The following ZNF880 variants were observed in gnomAD, a reference collection of about 807,000 sequenced individuals.
The protein encoded by ZNF880 is zinc finger protein 880.
ZNF880 carries 12 observed loss-of-function variants against 11.8 expected under a neutral mutation model. That is an observed-to-expected ratio of 1.02 (90% confidence interval 0.65 to 1.65). ZNF880 has a LOEUF of 1.65. Among genes scored for constraint, ZNF880 ranks in the 40% most tolerant of loss-of-function variants. The pLI is 0.00. For synonymous variants in ZNF880, 210 were observed against 232.4 expected (o/e 0.90, Z 0.88); for missense variants, 601 against 673.9 (o/e 0.89, Z 1.20).
chr19:52,371,938 C>T (rs1986385142), intron 1 of ZNF880, among the ~76,000 whole-genome samples: 1 of 151,958 alleles, frequency 6.6e-6, no homozygotes, highest in African/African-American at 2.4e-5. Context: ...GCCTGTAATC[C>T]CAGCACTTTG....
At chr19:52,380,873 C>T (rs1490961379) in intron 3 of ZNF880, among the ~76,000 whole-genome samples, 1 of 151,694 alleles carries the variant, frequency 6.6e-6, no homozygotes, top group Non-Finnish European at 1.5e-5. Context: ...GAGACAGGGT[C>T]TTGCTGTGTT....
chr19:52,374,179 G>T, intron 2 of ZNF880, 120 bp from the exon 3 acceptor site: 1 of 814,058 alleles, frequency 1.2e-6, no homozygotes, highest in Non-Finnish European at 1.9e-6. Context: ...TGAGTATCTG[G>T]GACTACAGGC....
At chr19:52,393,414 T>TC in the ZNF880 span, among the ~76,000 whole-genome samples, 1 of 151,706 alleles carries the variant, frequency 6.6e-6, no homozygotes, top group African/African-American at 2.4e-5. Context: ...TTTCTTTCTT[T>TC]TTTTTTTTTC....
downstream of ZNF880, chr19:52,390,436 TC>T: frequency 3.3e-6 from 1 of 300,698 alleles, no homozygotes; most frequent in Non-Finnish European, 6.9e-6. Context: ...GCCCTTCTGC[TC>T]CCCAGGCCTC....
chr19:52,392,327 G>A, the ZNF880 span, among the ~76,000 whole-genome samples: 4 of 151,616 alleles, frequency 2.6e-5, no homozygotes, highest in Non-Finnish European at 5.9e-5. Context: ...CTTTGACGGA[G>A]CCTCGCTCTG....
intron 3 of ZNF880, among the ~76,000 whole-genome samples, chr19:52,382,739 A>G (rs981786385): frequency 2.6e-5 from 4 of 152,118 alleles, no homozygotes; most frequent in Non-Finnish European, 4.4e-5. Flanking sequence ...TAATTTCTGT[A>G]TAGTATGTCT....
intron 3 of ZNF880, among the ~76,000 whole-genome samples, chr19:52,377,533 C>A (rs1986590608): frequency 6.6e-6 from 1 of 152,166 alleles, no homozygotes; most frequent in Admixed American, 6.5e-5. Flanking sequence ...AAACACGTCC[C>A]CTACCTCAGC....
At chr19:52,395,222 A>C in the ZNF880 span, among the ~76,000 whole-genome samples, 3 of 151,964 alleles carry the variant, frequency 2.0e-5, no homozygotes. Flanking sequence ...TGTCACTTTT[A>C]TTTCTTTTTC....
intron 3 of ZNF880, 185 bp downstream of exon 3, chr19:52,374,612 C>T (rs1413939316): frequency 7.7e-6 from 6 of 783,128 alleles, no homozygotes; most frequent in Middle Eastern, 2.3e-4. Flanking sequence ...GGTGGGATTA[C>T]AAGCATGAGC....
chr19:52,380,342 A>T (rs936817800), intron 3 of ZNF880, among the ~76,000 whole-genome samples: 1 of 151,380 alleles, frequency 6.6e-6, no homozygotes, highest in African/African-American at 2.4e-5. Context: ...TGGATGTGAG[A>T]TGATAGCTCA....
At chr19:52,375,765 G>T (rs1300090626) in intron 3 of ZNF880, among the ~76,000 whole-genome samples, 1 of 151,732 alleles carries the variant, frequency 6.6e-6, no homozygotes, top group Non-Finnish European at 1.5e-5. Context: ...CTCAGGCTTT[G>T]GGCTCATATG....
At position 52,374,596 on chromosome 19, in the gene ZNF880, G is replaced by A. The variant is rs370765769; in HGVS notation, c.268+169G>A. 17 of 862,930 alleles carry A rather than the reference G, an allele frequency of 2.0e-5. No homozygotes were observed. The East Asian group carries it at 2.9e-4, about 15-fold the overall frequency. The allele number at this position is 862,930 out of a possible 1,614,324, so 53.5% of individuals were successfully genotyped here. On this transcript the variant is annotated intron_variant, in intron 3 of 3. Transcript: ENST00000422689. The stretch of plus-strand genomic sequence containing the variant: ...AAGTGATCCTCCTTCCTCTGCTTCC[G>A]AAAGTGGTGGGATTACAAGCATGAG...
intron 2 of ZNF880, 119 bp downstream of exon 2, chr19:52,373,356 G>A (rs1986449699): frequency 9.4e-7 from 1 of 1,059,956 alleles, no homozygotes; most frequent in Non-Finnish European, 1.3e-6. Flanking sequence ...AAACCCTGTT[G>A]ACTCAGAAAT....
rs1276525884 is a variant in ZNF880, at chr19:52,384,040, A to C, written c.460A>C (p.Lys154Gln). 6.4e-7 allele frequency: 1 copy of C among 1,558,566 alleles called. No homozygotes were observed. The highest frequency in any genetic ancestry group is 8.7e-7 in the Non-Finnish European group (1 of 1,150,890). ...SPLQKIYSSV[K>Q]SHILNKYRND... ...ACTTCAAAAAATTTATTCTAGTGTC[A>C]AATCCCACATTTTAAATAAATACAG... Residue 154 changes from lysine to glutamine, a missense_variant, in exon 4 of 4, where the codon AAA becomes CAA. Lys to Gln is a moderately conservative substitution (Grantham distance 53, BLOSUM62 1). Transcript: ENST00000422689.
downstream of ZNF880, chr19:52,389,805 C>A (rs984122691): frequency 6.6e-6 from 1 of 152,312 alleles, no homozygotes; most frequent in African/African-American, 2.4e-5. Context: ...CACCTCTGCT[C>A]CAGTTCCAAT....
At chr19:52,386,016 A>G (rs554402224), downstream of ZNF880, among the ~76,000 whole-genome samples, 30 of 142,398 alleles carry the variant, frequency 2.1e-4, 3 homozygotes, top group South Asian at 3.7e-3. Flanking sequence ...TCTACTAAAA[A>G]TACAAAAAAT....
chr19:52,385,036 C>A lies in ZNF880; in HGVS notation c.1456C>A (p.His486Asn), dbSNP rs1192263438. 1 of 1,569,462 alleles carries A rather than the reference C, an allele frequency of 6.4e-7. No individual in the cohort carries two copies. Among genetic ancestry groups the A allele is most frequent in the South Asian group, 1.2e-5 (1 of 85,532 alleles). Reference protein sequence around the residue: ...NSNLANHHRIHTGEKPYKCSE... With the variant: ...NSNLANHHRINTGEKPYKCSE... ...AAACCTTGCAAATCATCACAGAATC[C>A]ATACTGGAGAGAAACCTTACAAATG... The change falls in exon 4 of 4, where the codon CAT (histidine) becomes AAT (asparagine). Residue 486 changes from histidine to asparagine, a missense_variant. Transcript: ENST00000422689.
intron 2 of ZNF880, among the ~76,000 whole-genome samples, chr19:52,373,495 C>G (rs1415712104): frequency 6.6e-6 from 1 of 151,912 alleles, no homozygotes; most frequent in Non-Finnish European, 1.5e-5. Flanking sequence ...TGAGTGGTAC[C>G]AGGGCTTAAG....
downstream of ZNF880, among the ~76,000 whole-genome samples, chr19:52,388,281 A>ATTTTT (rs1298446341): frequency 2.6e-5 from 1 of 38,888 alleles, no homozygotes; most frequent in African/African-American, 1.8e-4. Flanking sequence ...GGCAATTTGA[A>ATTTTT]CTTTTTTTTT....
Sources: gnomAD v4.1 joint callset for allele counts (sites outside exome capture counted in the v4.1 genomes callset) on GRCh38, gnomAD v4.1.1 for gene constraint, MANE v1.5 for transcripts, NCBI Gene and HGNC (gene_info 2026-07-23, HGNC 2026-07-21) for gene names.